Variants in AK9 observed in about 807,000 individuals in gnomAD.
AK9 encodes adenylate kinase domain containing 1.
Under a neutral mutation model 239.6 loss-of-function variants are expected in AK9, and 191 were observed. That is an observed-to-expected ratio of 0.80 (90% confidence interval 0.71 to 0.90). AK9 has a LOEUF of 0.90. Ranked by LOEUF, AK9 falls within the 40% of genes least tolerant of loss-of-function variation. The pLI is 0.00. For synonymous variants in AK9, 689 were observed against 721.0 expected, an observed-to-expected ratio of 0.96 and a Z score of 0.71; for missense variants, 1,995 against 2,214.7, an observed-to-expected ratio of 0.90 and a Z score of 1.99.
At chr6:109,641,287 GCTC>G (rs1310646957) in intron 10 of AK9, among the ~76,000 whole-genome samples, 1 of 149,206 alleles carries the variant, frequency 6.7e-6, no homozygotes, top group Non-Finnish European at 1.5e-5. Flanking sequence ...TCCCGTCTCA[GCTC>G]CTGAGTAGCT....
intron 17 of AK9, among the ~76,000 whole-genome samples, chr6:109,591,416 T>C (rs9374108): frequency 0.58 from 88,429 of 151,908 alleles, 27,431 homozygotes; most frequent in East Asian, 0.84. Context: ...ATGTATTTAC[T>C]AGTTAGGTGG....
At position 109,497,352 on chromosome 6, in the gene AK9, A is replaced by ACTCT. The variant is rs1393785707; in HGVS notation, c.5315+112_5315+113insAGAG. 18 of 636,392 alleles carry ACTCT rather than the reference A, an allele frequency of 2.8e-5. No homozygotes were observed. In the African/African-American group the frequency reaches 4.4e-4, roughly 15 times the overall value. 39.4% of individuals were successfully genotyped at this position (636,392 alleles called of 1,614,324 possible). A position where few individuals can be genotyped will look rare whatever the true frequency, so the allele number is the denominator to read the frequency against. ...CACACACACACACACACACACACAC[A>ACTCT]CACACACACACTCTCTCTCTCTCTC... On this transcript the variant is annotated intron_variant, in intron 38 of 40. Coordinates refer to ENST00000424296, the MANE Select transcript of AK9 (RefSeq NM_001145128.3).
At chr6:109,632,668 C>T (rs918688614) in intron 12 of AK9, 9 of 813,306 alleles carry the variant, frequency 1.1e-5, no homozygotes, top group East Asian at 1.0e-4. Flanking sequence ...CTGAATGACA[C>T]GATATTCACA....
At chr6:109,511,080 C>A (rs202193333) in intron 32 of AK9, among the ~76,000 whole-genome samples, 1 of 127,984 alleles carries the variant, frequency 7.8e-6, no homozygotes. Context: ...TTTTTTTTTC[C>A]TTAACAAACC....
intron 8 of AK9, among the ~76,000 whole-genome samples, chr6:109,651,517 G>A (rs528767058): frequency 1.3e-5 from 2 of 152,198 alleles, no homozygotes; most frequent in East Asian, 1.9e-4. Flanking sequence ...AACTAGAGAA[G>A]CAAGAGCAAA....
chr6:109,576,420 C>CTTTTTTTTTT lies in AK9; in HGVS notation c.2192-2836_2192-2827dup, dbSNP rs3060763. On this transcript the variant is annotated intron_variant, in intron 20 of 40. Transcript: ENST00000424296. ...GGTTAGGTGTATATACATATATATACTTTTTTTTTTTTTTTTTGCAGCTGT... is the reference window on the plus strand; with the variant it reads ...GGTTAGGTGTATATACATATATATACTTTTTTTTTTTTTTTTTTTTTTTTTTTGCAGCTGT... Among the ~76,000 whole-genome samples, 86 of 103,478 alleles carry CTTTTTTTTTT rather than the reference C, an allele frequency of 8.3e-4. 8 individuals carry two copies. Among genetic ancestry groups the CTTTTTTTTTT allele is most frequent in the Non-Finnish European group, 1.3e-3 (67 of 51,184 alleles). 67.9% of individuals were successfully genotyped at this position (103,478 alleles called of 152,430 possible).
At chr6:109,670,870 T>C (rs1280822283) in intron 5 of AK9, among the ~76,000 whole-genome samples, 3 of 152,112 alleles carry the variant, frequency 2.0e-5, no homozygotes, top group Non-Finnish European at 2.9e-5. Context: ...GCTGAACAAA[T>C]AGGTAATAAG....
chr6:109,680,921 C>T (rs568882965), intron 1 of AK9, among the ~76,000 whole-genome samples: 50 of 152,166 alleles, frequency 3.3e-4, no homozygotes, highest in African/African-American at 1.0e-3. Flanking sequence ...TTTGTCAAAA[C>T]GAGGCTTCCA....
chr6:109,500,150 T>C (rs908693327), intron 35 of AK9, among the ~76,000 whole-genome samples: 6 of 151,672 alleles, frequency 4.0e-5, no homozygotes, highest in African/African-American at 1.5e-4. Flanking sequence ...TTTCAGGAAG[T>C]GCAAATAGTT....
chr6:109,596,986 CCTTACTGTTAAATATTTATGT>C (rs906420541), intron 17 of AK9, among the ~76,000 whole-genome samples: 7 of 151,974 alleles, frequency 4.6e-5, no homozygotes, highest in Non-Finnish European at 8.8e-5. Flanking sequence ...TTTAATCACC[CCTTACTGTTAAATATTTATGT>C]CATTTGTAAT....
chr6:109,671,820 G>T, intron 5 of AK9, 99 bp downstream of exon 5: 1 of 973,078 alleles, frequency 1.0e-6, no homozygotes, highest in Non-Finnish European at 1.6e-6. Flanking sequence ...CTTATGCTAA[G>T]GCAAAAGAAA....
At chr6:109,495,635 C>T (rs1039404351) in intron 38 of AK9, among the ~76,000 whole-genome samples, 195 bp from the exon 39 acceptor site, 9 of 152,158 alleles carry the variant, frequency 5.9e-5, no homozygotes, top group Non-Finnish European at 1.3e-4. Flanking sequence ...CTACTCACCT[C>T]GACTCAGTTT....
At chr6:109,502,175 G>A (rs1484835679) in intron 35 of AK9, among the ~76,000 whole-genome samples, 2 of 152,056 alleles carry the variant, frequency 1.3e-5, no homozygotes, top group Non-Finnish European at 2.9e-5. Context: ...AACTTGCTTC[G>A]AATAAACAGA....
intron 15 of AK9, among the ~76,000 whole-genome samples, chr6:109,612,704 T>C (rs1331394290): frequency 2.6e-5 from 4 of 152,066 alleles, no homozygotes; most frequent in Non-Finnish European, 5.9e-5. Context: ...TTTCTGACAG[T>C]GCCCTGTTCA....
intron 2 of AK9, among the ~76,000 whole-genome samples, 182 bp from the exon 3 acceptor site, chr6:109,674,443 A>G (rs1355957669): frequency 6.6e-6 from 1 of 152,174 alleles, no homozygotes; most frequent in Non-Finnish European, 1.5e-5. Flanking sequence ...TAATTTTTGC[A>G]TATGTCACAT....
intron 17 of AK9, among the ~76,000 whole-genome samples, chr6:109,590,669 T>C (rs1396323994): frequency 6.6e-6 from 1 of 152,208 alleles, no homozygotes; most frequent in African/African-American, 2.4e-5. Context: ...CACTATAAAA[T>C]TGCCTCTTAG....
intron 12 of AK9, chr6:109,632,151 T>C (rs1033143416): frequency 4.1e-6 from 4 of 985,178 alleles, no homozygotes; most frequent in Middle Eastern, 5.2e-4. Flanking sequence ...TTCACTTTTC[T>C]GTATGTTTGT....
chr6:109,523,917 T>C (rs1171795261), intron 29 of AK9, among the ~76,000 whole-genome samples: 1 of 152,110 alleles, frequency 6.6e-6, no homozygotes, highest in Non-Finnish European at 1.5e-5. Flanking sequence ...TCTTTGGAGG[T>C]ACATAACAAA....
At chr6:109,596,047 A>T (rs890628452) in intron 17 of AK9, among the ~76,000 whole-genome samples, 16 of 152,158 alleles carry the variant, frequency 1.1e-4, no homozygotes, top group Middle Eastern at 3.4e-3. Context: ...AAACGAAAAA[A>T]ATCTATTTCT....
Sources: allele counts gnomAD v4.1 joint callset (sites outside exome capture counted in the v4.1 genomes callset), GRCh38; gene constraint gnomAD v4.1.1; transcripts MANE v1.5; gene names NCBI Gene and HGNC (gene_info 2026-07-23, HGNC 2026-07-21).